Variants in DIP2C observed in about 807,000 individuals in gnomAD.
DIP2C encodes disco-interacting protein 2 homolog C.
Under a neutral mutation model 192.4 loss-of-function variants are expected in DIP2C, and 33 were observed. The observed-to-expected ratio is 0.17, with a 90% CI of 0.13 to 0.23. DIP2C has a LOEUF of 0.23. DIP2C is among the 10% of genes least tolerant of loss of function. DIP2C has a pLI of 1.00. For synonymous variants in DIP2C, 979 were observed against 864.1 expected (o/e 1.13, Z -2.33); for missense variants, 1,537 against 2,110.1 (o/e 0.73, Z 5.32).
chr10:488,658 C>G (rs929723056), intron 1 of DIP2C, among the ~76,000 whole-genome samples: 1 of 152,178 alleles, frequency 6.6e-6, no homozygotes, highest in Non-Finnish European at 1.5e-5. Flanking sequence ...CCGAAGGAAA[C>G]GGGACTCTAC....
chr10:371,162 ACCATCCCCTCAC>A (rs1960908182), intron 17 of DIP2C, among the ~76,000 whole-genome samples: 1 of 142,072 alleles, frequency 7.0e-6, no homozygotes, highest in Non-Finnish European at 1.6e-5. Flanking sequence ...CTCACCCTGC[ACCATCCCCTCAC>A]CCTGCACCAT....
At chr10:458,670 A>G (rs1969505906) in intron 3 of DIP2C, among the ~76,000 whole-genome samples, 1 of 151,844 alleles carries the variant, frequency 6.6e-6, no homozygotes. Flanking sequence ...TGTCCTCTAC[A>G]TTCCTGCCTC....
intron 31 of DIP2C, among the ~76,000 whole-genome samples, chr10:317,142 G>C (rs1956809758): frequency 6.6e-6 from 1 of 152,218 alleles, no homozygotes; most frequent in African/African-American, 2.4e-5. Flanking sequence ...CAAATGGATG[G>C]ATCTGTATGT....
intron 30 of DIP2C, among the ~76,000 whole-genome samples, chr10:327,816 C>G (rs1010936814): frequency 6.6e-6 from 1 of 152,210 alleles, no homozygotes; most frequent in African/African-American, 2.4e-5. Context: ...TCAAGCGTGT[C>G]TGTTTCCACA....
intron 31 of DIP2C, chr10:324,885 G>GT (rs748159919): frequency 1.9e-6 from 1 of 524,942 alleles, no homozygotes; most frequent in Non-Finnish European, 3.9e-6. Flanking sequence ...TTCCTGCGCT[G>GT]TTTTTCTTTC....
chr10:551,905 G>A (rs754139992), intron 1 of DIP2C, among the ~76,000 whole-genome samples: 11 of 152,202 alleles, frequency 7.2e-5, no homozygotes, highest in Non-Finnish European at 1.0e-4. Context: ...GCAGGCCCCT[G>A]CCGTGGTGTC....
At chr10:618,657 T>C (rs1853633544) in intron 1 of DIP2C, among the ~76,000 whole-genome samples, 1 of 152,308 alleles carries the variant, frequency 6.6e-6, no homozygotes, top group African/African-American at 2.4e-5. Context: ...TGCAACAAAG[T>C]TAAAAGACTA....
chr10:305,303 G>A (rs1956265178), intron 32 of DIP2C, among the ~76,000 whole-genome samples: 1 of 152,080 alleles, frequency 6.6e-6, no homozygotes, highest in Admixed American at 6.5e-5. Flanking sequence ...AAACACACAT[G>A]CATGTATGCA....
At chr10:306,935 A>C (rs1283011638) in intron 32 of DIP2C, among the ~76,000 whole-genome samples, 1 of 152,166 alleles carries the variant, frequency 6.6e-6, no homozygotes, top group Non-Finnish European at 1.5e-5. Flanking sequence ...GGCCTAATGG[A>C]GAAGTCGGAG....
At chr10:584,332 C>A (rs2131604078) in intron 1 of DIP2C, among the ~76,000 whole-genome samples, 1 of 152,314 alleles carries the variant, frequency 6.6e-6, no homozygotes, top group African/African-American at 2.4e-5. Flanking sequence ...TACCAAGCAT[C>A]TGTGTTTTTA....
At chr10:512,922 G>GGAAA (rs1347155013) in intron 1 of DIP2C, among the ~76,000 whole-genome samples, 7 of 92,206 alleles carry the variant, frequency 7.6e-5, no homozygotes, top group African/African-American at 1.7e-4. Flanking sequence ...CCCACTTCAG[G>GGAAA]AAAAAAAAAA....
intron 9 of DIP2C, among the ~76,000 whole-genome samples, chr10:401,669 T>C (rs371154114): frequency 3.5e-5 from 5 of 143,972 alleles, no homozygotes; most frequent in Admixed American, 6.9e-5. Context: ...TGATTTTACA[T>C]GTGTGGTAGC....
intron 3 of DIP2C, among the ~76,000 whole-genome samples, chr10:450,377 G>C (rs1181960212): frequency 6.6e-6 from 1 of 152,190 alleles, no homozygotes; most frequent in Admixed American, 6.5e-5. Flanking sequence ...ACAGATTTAA[G>C]ATGTTTACGT....
At chr10:531,821 G>A (rs1016727338) in intron 1 of DIP2C, among the ~76,000 whole-genome samples, 1 of 152,204 alleles carries the variant, frequency 6.6e-6, no homozygotes, top group Non-Finnish European at 1.5e-5. Flanking sequence ...ACACAGACAC[G>A]CTGGGAGGAG....
At chr10:418,440 C>G (rs538280222) in intron 6 of DIP2C, among the ~76,000 whole-genome samples, 1 of 152,190 alleles carries the variant, frequency 6.6e-6, no homozygotes, top group Non-Finnish European at 1.5e-5. Context: ...TGTATTTCAC[C>G]GCTAGGTTCT....
In DIP2C at chr10:384,116, A is replaced by G; in HGVS notation, c.1787T>C (p.Met596Thr). ...AKVACVKSRD[M>T]HWALVAHRDQ... ...TCTGTGTGCTACTAATGCCCAATGCATATCCCTCGATTTCACACACGCCAC... is the reference window on the plus strand; with the variant it reads ...TCTGTGTGCTACTAATGCCCAATGCGTATCCCTCGATTTCACACACGCCAC... Residue 596 changes from methionine to threonine, a missense_variant, in exon 16 of 37, where the codon ATG becomes ACG. Coordinates refer to ENST00000280886, the MANE Select transcript of DIP2C (RefSeq NM_014974.3). The G allele has an allele frequency of 6.2e-7, 1 of 1,610,202 alleles. No individual in the cohort carries two copies. The highest frequency in any genetic ancestry group is 8.5e-7 in the Non-Finnish European group (1 of 1,179,220).
Position 466,660 on chromosome 10 carries a change from C to G in DIP2C, c.268+5779G>C, listed in dbSNP as rs943264508. On this transcript the variant is annotated intron_variant, in intron 3 of 36. Transcript: ENST00000280886. ...ACTCATCTGACAAAGGGCTAATATC[C>G]AGAATCTACAATGAACTCAAACAAA... Among the ~76,000 whole-genome samples the G allele has an allele frequency of 2.0e-5, 3 of 148,926 alleles. No homozygotes were observed. The Admixed American group carries it at 2.0e-4, about 10-fold the overall frequency.
At chr10:641,789 G>C (rs1035901963) in intron 1 of DIP2C, 2 of 154,074 alleles carry the variant, frequency 1.3e-5, no homozygotes, top group African/African-American at 4.8e-5. Context: ...AAGCATTTTG[G>C]GGGGCTGAGG....
intron 1 of DIP2C, among the ~76,000 whole-genome samples, chr10:654,414 C>T (rs1299645618): frequency 1.3e-5 from 2 of 152,162 alleles, no homozygotes; most frequent in Non-Finnish European, 2.9e-5. Flanking sequence ...TAAAATGAAA[C>T]CCAGCCTTTG....
Sources: allele counts gnomAD v4.1 joint callset (sites outside exome capture counted in the v4.1 genomes callset), GRCh38; gene constraint gnomAD v4.1.1; transcripts MANE v1.5; gene names NCBI Gene and HGNC (gene_info 2026-07-23, HGNC 2026-07-21).